MLIP: variants seen among roughly 807,000 people sequenced by gnomAD.
The protein encoded by MLIP is muscular LMNA interacting protein.
A neutral mutation model predicts 84.8 loss-of-function variants in MLIP; 79 were observed. The observed-to-expected ratio is 0.93, with a 90% CI of 0.78 to 1.12. MLIP has a LOEUF of 1.12. Among genes scored for constraint, MLIP ranks in the 50% most tolerant of loss-of-function variants. The pLI, the probability that MLIP is intolerant of heterozygous loss-of-function variation, is 0.00. For synonymous variants in MLIP, 504 were observed against 463.0 expected (o/e 1.09, Z -1.14); for missense variants, 1,257 against 1,160.6 (o/e 1.08, Z -1.21).
intron 1 of MLIP, among the ~76,000 whole-genome samples, chr6:54,080,934 T>G (rs543878135): frequency 6.6e-6 from 1 of 152,156 alleles, no homozygotes; most frequent in Admixed American, 6.5e-5. Context: ...TATTCTCCTC[T>G]TTCATGTCCC....
intron 1 of MLIP, among the ~76,000 whole-genome samples, chr6:54,025,882 G>T (rs1763774335): frequency 6.6e-6 from 1 of 152,122 alleles, no homozygotes; most frequent in Admixed American, 6.6e-5. Context: ...TCTCCACTTG[G>T]CACATCGCCC....
chr6:54,145,124 C>G (rs955758878), intron 4 of MLIP, among the ~76,000 whole-genome samples: 2 of 152,214 alleles, frequency 1.3e-5, no homozygotes, highest in African/African-American at 4.8e-5. Flanking sequence ...GGTATTATTG[C>G]CTTGTTTGCC....
intron 5 of MLIP, among the ~76,000 whole-genome samples, chr6:54,157,292 T>C (rs948427823): frequency 1.3e-5 from 2 of 152,118 alleles, no homozygotes; most frequent in African/African-American, 4.8e-5. Context: ...GGCCCAATAT[T>C]GTGTGCTACC....
intron 1 of MLIP, chr6:54,046,109 A>C (rs1383240001): frequency 6.6e-6 from 1 of 152,152 alleles, no homozygotes; most frequent in African/African-American, 2.4e-5. Context: ...CAGCCCAGCC[A>C]CTGGTGGCTA....
intron 1 of MLIP, among the ~76,000 whole-genome samples, chr6:54,098,733 T>C (rs1407746774): frequency 6.6e-6 from 1 of 152,122 alleles, no homozygotes; most frequent in Non-Finnish European, 1.5e-5. Context: ...GTAATGGCAA[T>C]CCTATTGCAA....
At chr6:54,129,828 T>C (rs631441) in intron 3 of MLIP, among the ~76,000 whole-genome samples, 46 of 152,098 alleles carry the variant, frequency 3.0e-4, no homozygotes, top group Non-Finnish European at 5.0e-4. Context: ...TGTGCAAGAA[T>C]AGGTGAGAGG....
chr6:54,235,473 A>G (rs9464042), intron 12 of MLIP, among the ~76,000 whole-genome samples: 18,307 of 152,124 alleles, frequency 0.12, 1,470 homozygotes, highest in African/African-American at 0.22. Flanking sequence ...TCCTGTGCCA[A>G]GGCATCTCAT....
intron 10 of MLIP, 108 bp from the exon 11 acceptor site, chr6:54,201,997 T>C (rs1334389640): frequency 2.6e-6 from 2 of 778,886 alleles, no homozygotes. Context: ...ATTAAAAAAA[T>C]ATAATTTTCT....
At chr6:54,204,033 C>A (rs1778875718) in intron 11 of MLIP, among the ~76,000 whole-genome samples, 1 of 152,176 alleles carries the variant, frequency 6.6e-6, no homozygotes, top group Non-Finnish European at 1.5e-5. Context: ...AAGTTCATTA[C>A]AAATACTTTT....
upstream of MLIP, among the ~76,000 whole-genome samples, chr6:54,108,582 G>A (rs982939064): frequency 1.3e-5 from 2 of 152,076 alleles, no homozygotes; most frequent in Non-Finnish European, 2.9e-5. Flanking sequence ...ATGACTTCTA[G>A]TATTATAAGA....
At chr6:54,229,199 T>C (rs907292188) in intron 11 of MLIP, among the ~76,000 whole-genome samples, 16 of 152,286 alleles carry the variant, frequency 1.1e-4, no homozygotes, top group Non-Finnish European at 2.1e-4. Flanking sequence ...TGAACGACAA[T>C]TACAATCAGT....
chr6:54,019,589 T>G (rs1388180284), intron 1 of MLIP, among the ~76,000 whole-genome samples: 1 of 152,186 alleles, frequency 6.6e-6, no homozygotes, highest in African/African-American at 2.4e-5. Flanking sequence ...TACTAAGCAA[T>G]TAAATGTCAA....
chr6:54,202,465 G>C (rs1778758387), intron 11 of MLIP, among the ~76,000 whole-genome samples: 1 of 147,054 alleles, frequency 6.8e-6, no homozygotes, highest in Non-Finnish European at 1.5e-5. Flanking sequence ...GCATTTTAAT[G>C]TGTTTTTTTT....
At position 54,166,511 on chromosome 6, in the gene MLIP, C is replaced by T. The variant is rs566192362; in HGVS notation, c.2500-3017C>T. On this transcript the variant is annotated intron_variant, in intron 8 of 13. Coordinates refer to ENST00000502396, the MANE Select transcript of MLIP (RefSeq NM_001281747.2). ...AGAACTTGAGATAGTTGCTCACACC[C>T]TCCTCTTTGATATATTTTCCTCTAG... Among the ~76,000 whole-genome samples, 6 of 151,960 alleles carry T rather than the reference C, an allele frequency of 3.9e-5. No individual in the cohort carries two copies. The South Asian group carries it at 1.2e-3, about 32-fold the overall frequency.
chr6:54,179,023 G>C (rs1776584904), intron 9 of MLIP, among the ~76,000 whole-genome samples: 1 of 152,074 alleles, frequency 6.6e-6, no homozygotes, highest in Non-Finnish European at 1.5e-5. Flanking sequence ...ATTGCATTGA[G>C]GTCTATGTCT....
chr6:54,171,261 C>A (rs748675792), intron 9 of MLIP, among the ~76,000 whole-genome samples: 3 of 151,472 alleles, frequency 2.0e-5, no homozygotes, highest in Non-Finnish European at 3.0e-5. Flanking sequence ...GTTGTGAGAG[C>A]CTTTAAGTCA....
chr6:54,109,094 G>A (rs531331199), upstream of MLIP, among the ~76,000 whole-genome samples: 1 of 149,784 alleles, frequency 6.7e-6, no homozygotes, highest in African/African-American at 2.4e-5. Context: ...CCAAAGGGTA[G>A]TATCAATAAA....
chr6:54,111,459 G>A lies in MLIP; in HGVS notation c.-21G>A, dbSNP rs775205050. Reference sequence around the variant, plus strand: ...TCCCACCTCAGTCATTGGTTTGCTCGCTCCCTTATGTGATGAATCAATGCT... The same window carrying A: ...TCCCACCTCAGTCATTGGTTTGCTCACTCCCTTATGTGATGAATCAATGCT... On this transcript the variant is annotated 5_prime_UTR_variant, in exon 1 of 14. Transcript: ENST00000502396. 43 of 1,535,314 alleles carry A rather than the reference G, an allele frequency of 2.8e-5. No homozygotes were observed. The highest frequency in any genetic ancestry group is 2.7e-5 in the African/African-American group (2 of 72,944).
chr6:54,069,710 G>A (rs1439076792), intron 1 of MLIP, among the ~76,000 whole-genome samples: 2 of 98,572 alleles, frequency 2.0e-5, no homozygotes, highest in Non-Finnish European at 2.9e-5. Flanking sequence ...TTTTTGATCT[G>A]TAGTTTGTTG....
Sources: gnomAD v4.1 joint callset for allele counts (sites outside exome capture counted in the v4.1 genomes callset) on GRCh38, gnomAD v4.1.1 for gene constraint, MANE v1.5 for transcripts, NCBI Gene and HGNC (gene_info 2026-07-23, HGNC 2026-07-21) for gene names.